The following TIFAB variants were observed in gnomAD, a reference collection of about 807,000 sequenced individuals.
TIFAB encodes TIFA inhibitor, also known as TRAF-interacting protein with FHA domain-containing protein B.
For missense variants in TIFAB, 222 were observed against 203.6 expected (o/e 1.09, Z -0.55); for synonymous variants, 116 against 95.2 (o/e 1.22, Z -1.27).
At position 135,444,244 on chromosome 5, in the gene TIFAB, A is replaced by C. The variant is rs1187040347; in HGVS notation, c.*5210T>G. ...CAAATGGTAGGTTTTATTTCACTTT[A>C]ATCCGCCTGTGAGTTCACGTTAAAG... On this transcript the variant is annotated 3_prime_UTR_variant, in exon 2 of 2. Transcript: ENST00000537858. 2 of 152,220 alleles carry C rather than the reference A, an allele frequency of 1.3e-5. No homozygotes were observed. Among genetic ancestry groups the C allele is most frequent in the Non-Finnish European group, 2.9e-5 (2 of 68,032 alleles). 9.4% of individuals were successfully genotyped at this position (152,220 alleles called of 1,614,324 possible). A position where few individuals can be genotyped will look rare whatever the true frequency, so the allele number is the denominator to read the frequency against.
chr5:135,450,933 G>A (rs533212830), intron 1 of TIFAB, among the ~76,000 whole-genome samples: 2 of 152,304 alleles, frequency 1.3e-5, no homozygotes, highest in South Asian at 4.1e-4. Flanking sequence ...CACAACAGGG[G>A]GAATCCCCCA....
At position 135,448,238 on chromosome 5, in the gene TIFAB, C is replaced by T. The variant is rs1031023458; in HGVS notation, c.*1216G>A. On this transcript the variant is annotated 3_prime_UTR_variant, in exon 2 of 2. Transcript: ENST00000537858. ...ACAGAAATTGTTGACAGCTACAGAC[C>T]CAGAGATTCGAGTCAGCCAGGGGAA... 3 of 152,222 alleles carry T rather than the reference C, an allele frequency of 2.0e-5. No individual in the cohort carries two copies. Among genetic ancestry groups the T allele is most frequent in the African/African-American group, 7.2e-5 (3 of 41,522 alleles). The allele number at this position is 152,222 out of a possible 1,614,324, so 9.4% of individuals were successfully genotyped here.
Position 135,445,261 on chromosome 5 carries a change from G to T in TIFAB, c.*4193C>A, listed in dbSNP as rs1769235379. 1 of 152,190 alleles carries T rather than the reference G, an allele frequency of 6.6e-6. No homozygotes were observed. The highest frequency in any genetic ancestry group is 2.4e-5 in the African/African-American group (1 of 41,396). 9.4% of individuals were successfully genotyped at this position (152,190 alleles called of 1,614,324 possible). A position where few individuals can be genotyped will look rare whatever the true frequency, so the allele number is the denominator to read the frequency against. On this transcript the variant is annotated 3_prime_UTR_variant, in exon 2 of 2. Transcript: ENST00000537858. The stretch of plus-strand genomic sequence containing the variant: ...CCACACAGAATCCCAAAACCCCAGG[G>T]TTCTGCTTGAGTTAGAGCTACAAAG...
At position 135,446,477 on chromosome 5, in the gene TIFAB, G is replaced by C. The variant is rs748098232; in HGVS notation, c.*2977C>G. The C allele has an allele frequency of 6.2e-7, 1 of 1,614,026 alleles. No individual in the cohort carries two copies. The highest frequency in any genetic ancestry group is 8.5e-7 in the Non-Finnish European group (1 of 1,179,894). ...GCTCTGGCTGTCTGAGCAGGTGAGGGATAGTGATATCAAGTGCGAAGACCA... is the reference window on the plus strand; with the variant it reads ...GCTCTGGCTGTCTGAGCAGGTGAGGCATAGTGATATCAAGTGCGAAGACCA... On this transcript the variant is annotated 3_prime_UTR_variant, in exon 2 of 2. Coordinates refer to ENST00000537858, the MANE Select transcript of TIFAB (RefSeq NM_001099221.2).
rs1420681977 is a variant in TIFAB, at chr5:135,446,108, A to C, written c.*3346T>G. On this transcript the variant is annotated 3_prime_UTR_variant, in exon 2 of 2. Transcript: ENST00000537858. Reference sequence around the variant, plus strand: ...TATGTCTGGGTGCCTTAAATTTGTGATGCCTCAAACTGACCTTCACAATGA... The same window carrying C: ...TATGTCTGGGTGCCTTAAATTTGTGCTGCCTCAAACTGACCTTCACAATGA... 3.0e-6 allele frequency: 1 copy of C among 332,016 alleles called. No individual in the cohort carries two copies. The highest frequency in any genetic ancestry group is 2.1e-5 in the African/African-American group (1 of 47,516). The allele number at this position is 332,016 out of a possible 1,614,324, so 20.6% of individuals were successfully genotyped here.
rs531198567 is a variant in TIFAB, at chr5:135,446,471, G to A, written c.*2983C>T. 8.4e-5 allele frequency: 136 copies of A among 1,614,044 alleles called. 1 individual carries two copies. In the South Asian group the frequency reaches 1.1e-3, roughly 13 times the overall value. ...CCGCCTGCTCTGGCTGTCTGAGCAG[G>A]TGAGGGATAGTGATATCAAGTGCGA... On this transcript the variant is annotated 3_prime_UTR_variant, in exon 2 of 2. Transcript: ENST00000537858.
Position 135,449,597 on chromosome 5 carries a change from G to A in TIFAB, c.343C>T (p.Arg115Cys), listed in dbSNP as rs778048077. The change falls in exon 2 of 2, where the codon CGC becomes TGC. Residue 115 changes from arginine to cysteine, a missense_variant. Coordinates refer to ENST00000537858, the MANE Select transcript of TIFAB (RefSeq NM_001099221.2). ...VSFSGIQMLVRVEEGTSLEAF... is the reference protein window; with the variant it reads ...VSFSGIQMLVCVEEGTSLEAF... ...TCCAGGGATGTGCCTTCTTCTACGC[G>A]AACCAGCATCTGGATGCCTGAGAAG... 14 of 1,614,078 alleles carry A rather than the reference G, an allele frequency of 8.7e-6. No homozygotes were observed. Among genetic ancestry groups the A allele is most frequent in the South Asian group, 4.4e-5 (4 of 91,088 alleles).
chr5:135,451,207 CAGAG>C (rs1369700116), intron 1 of TIFAB, among the ~76,000 whole-genome samples: 5 of 152,220 alleles, frequency 3.3e-5, no homozygotes, highest in African/African-American at 1.2e-4. Flanking sequence ...TGAAATCACC[CAGAG>C]AGACCACAAA....
rs142420849 is a variant in TIFAB, at chr5:135,446,562, G to T, written c.*2892C>A. On this transcript the variant is annotated 3_prime_UTR_variant, in exon 2 of 2. Transcript: ENST00000537858. ...GGAGAAAGTGAAGGTGGGTGCCATG[G>T]ATCTGATGATTTCAGTGATTTTCTA... 2.5e-6 allele frequency: 4 copies of T among 1,613,864 alleles called. No homozygotes were observed. The highest frequency in any genetic ancestry group is 1.3e-5 in the African/African-American group (1 of 74,922).
rs933744023 is a variant in TIFAB, at chr5:135,444,537, C to G, written c.*4917G>C. 2 of 152,438 alleles carry G rather than the reference C, an allele frequency of 1.3e-5. No individual in the cohort carries two copies. Among genetic ancestry groups the G allele is most frequent in the African/African-American group, 4.8e-5 (2 of 41,474 alleles). The allele number at this position is 152,438 out of a possible 1,614,324, so 9.4% of individuals were successfully genotyped here. A position where few individuals can be genotyped will look rare whatever the true frequency, so the allele number is the denominator to read the frequency against. Reference sequence around the variant, plus strand: ...CTGAGGAAGAGAAAACAGAGCAGAGCTGGAGAAGTTCGTACAGTAGATACA... The same window carrying G: ...CTGAGGAAGAGAAAACAGAGCAGAGGTGGAGAAGTTCGTACAGTAGATACA... On this transcript the variant is annotated 3_prime_UTR_variant, in exon 2 of 2. Coordinates refer to ENST00000537858, the MANE Select transcript of TIFAB (RefSeq NM_001099221.2).
rs768729896 is a variant in TIFAB, at chr5:135,449,875, A to G, written c.65T>C (p.Phe22Ser). Reference protein sequence around the residue: ...LYHPTLGPSAFANVPPRLQHD... With the variant: ...LYHPTLGPSASANVPPRLQHD... Reference sequence around the variant, plus strand: ...CTGCAGCCGTGGTGGGACATTGGCAAAGGCAGATGGGCCCAGCGTGGGATG... The same window carrying G: ...CTGCAGCCGTGGTGGGACATTGGCAGAGGCAGATGGGCCCAGCGTGGGATG... The change falls in exon 2 of 2, where the codon TTT (phenylalanine) becomes TCT (serine). Residue 22 changes from phenylalanine to serine, a missense_variant. Physicochemically the swap from Phe to Ser is radical, Grantham distance 155. Transcript: ENST00000537858. 3.8e-6 allele frequency: 6 copies of G among 1,576,980 alleles called. No homozygotes were observed. The highest frequency in any genetic ancestry group is 1.3e-5 in the African/African-American group (1 of 74,142).
rs1243156657 is a variant in TIFAB at position 135,448,802 on chromosome 5, C to G, written c.*652G>C. On this transcript the variant is annotated 3_prime_UTR_variant, in exon 2 of 2. Transcript: ENST00000537858. Reference sequence around the variant, plus strand: ...TCGTCTATATTTCCCACCCCCACGTCTGCATGACAGCGTGGCGTGCATGTG... The same window carrying G: ...TCGTCTATATTTCCCACCCCCACGTGTGCATGACAGCGTGGCGTGCATGTG... The G allele has an allele frequency of 1.3e-5, 2 of 152,874 alleles. No individual in the cohort carries two copies. Among genetic ancestry groups the G allele is most frequent in the Admixed American group, 1.3e-4 (2 of 15,382 alleles). The allele number at this position is 152,874 out of a possible 1,614,324, so 9.5% of individuals were successfully genotyped here.
At position 135,446,469 on chromosome 5, in the gene TIFAB, A is replaced by T. The variant is rs1251198018; in HGVS notation, c.*2985T>A. ...ACCCGCCTGCTCTGGCTGTCTGAGCAGGTGAGGGATAGTGATATCAAGTGC... is the reference window on the plus strand; with the variant it reads ...ACCCGCCTGCTCTGGCTGTCTGAGCTGGTGAGGGATAGTGATATCAAGTGC... On this transcript the variant is annotated 3_prime_UTR_variant, in exon 2 of 2. Coordinates refer to ENST00000537858, the MANE Select transcript of TIFAB (RefSeq NM_001099221.2). 6.2e-7 allele frequency: 1 copy of T among 1,613,964 alleles called. No individual in the cohort carries two copies. The highest frequency in any genetic ancestry group is 1.1e-5 in the South Asian group (1 of 91,078).
chr5:135,446,122 C>T lies in TIFAB; in HGVS notation c.*3332G>A. 2.7e-6 allele frequency: 1 copy of T among 376,730 alleles called. No homozygotes were observed. The allele number at this position is 376,730 out of a possible 1,614,324, so 23.3% of individuals were successfully genotyped here. ...TTAAATTTGTGATGCCTCAAACTGA[C>T]CTTCACAATGACTCTAAGGAGGTAA... On this transcript the variant is annotated 3_prime_UTR_variant, in exon 2 of 2. Coordinates refer to ENST00000537858, the MANE Select transcript of TIFAB (RefSeq NM_001099221.2).
In TIFAB at chr5:135,448,056, T is replaced by G. The variant is rs1769302068; in HGVS notation, c.*1398A>C. The G allele has an allele frequency of 6.6e-6, 1 of 152,184 alleles. No homozygotes were observed. Among genetic ancestry groups the G allele is most frequent in the African/African-American group, 2.4e-5 (1 of 41,436 alleles). The allele number at this position is 152,184 out of a possible 1,614,324, so 9.4% of individuals were successfully genotyped here. ...TGGCTGTGATCTGAGTGTTTTTGCT[T>G]CATCCCTATTGGAGAGGAAGCTTCC... On this transcript the variant is annotated 3_prime_UTR_variant, in exon 2 of 2. Coordinates refer to ENST00000537858, the MANE Select transcript of TIFAB (RefSeq NM_001099221.2).
chr5:135,446,955 C>A lies in TIFAB; in HGVS notation c.*2499G>T, dbSNP rs755219115. ...AGAGGGGCACTCAGGGGCAGCAGCT[C>A]ATTCCCAAAGTTCTCTGGTGGAGCT... On this transcript the variant is annotated 3_prime_UTR_variant, in exon 2 of 2. Transcript: ENST00000537858. The A allele has an allele frequency of 6.2e-7, 1 of 1,612,844 alleles. No individual in the cohort carries two copies. Among genetic ancestry groups the A allele is most frequent in the African/African-American group, 1.3e-5 (1 of 75,026 alleles).
chr5:135,447,340 T>C lies in TIFAB; in HGVS notation c.*2114A>G. The stretch of plus-strand genomic sequence containing the variant: ...GAATCACAGAGCACAGGTAAGCCCT[T>C]GGGTTCTGGAGCCAGCTTACTGGGG... On this transcript the variant is annotated 3_prime_UTR_variant, in exon 2 of 2. Transcript: ENST00000537858. 3.4e-6 allele frequency: 2 copies of C among 593,266 alleles called. No homozygotes were observed. The highest frequency in any genetic ancestry group is 6.0e-5 in the East Asian group (2 of 33,298). 36.8% of individuals were successfully genotyped at this position (593,266 alleles called of 1,614,324 possible). A position where few individuals can be genotyped will look rare whatever the true frequency, so the allele number is the denominator to read the frequency against.
chr5:135,449,899 T>C lies in TIFAB; in HGVS notation c.41A>G (p.His14Arg). Reference protein sequence around the residue: ...PLTVLRVSLYHPTLGPSAFAN... With the variant: ...PLTVLRVSLYRPTLGPSAFAN... ...AAAGGCAGATGGGCCCAGCGTGGGA[T>C]GGTACAGGCTCACTCGCAGGACGGT... Residue 14 changes from histidine (H) to arginine (R), a missense_variant, in exon 2 of 2, where the codon CAT becomes CGT. By Grantham distance (29) the His-to-Arg change is conservative. Coordinates refer to ENST00000537858, the MANE Select transcript of TIFAB (RefSeq NM_001099221.2). 6.5e-7 allele frequency: 1 copy of C among 1,544,570 alleles called. No homozygotes were observed. The highest frequency in any genetic ancestry group is 1.2e-5 in the South Asian group (1 of 80,146).
rs771820003 is a variant in TIFAB at position 135,449,507 on chromosome 5, T to C, written c.433A>G (p.Thr145Ala). 3.1e-6 allele frequency: 5 copies of C among 1,614,184 alleles called. No individual in the cohort carries two copies. Among genetic ancestry groups the C allele is most frequent in the South Asian group, 2.2e-5 (2 of 91,084 alleles). ...PLIYRPEAEE[T>A]DEWEGISQGQ... ...TGGGAGATGCCTTCCCATTCGTCAG[T>C]TTCCTCAGCCTCAGGTCTGTAAATC... Residue 145 changes from threonine to alanine, a missense_variant, in exon 2 of 2, where the codon ACT (threonine) becomes GCT (alanine). Thr to Ala is a moderately conservative substitution (Grantham distance 58). Transcript: ENST00000537858.
Sources: gnomAD v4.1 joint callset for allele counts (sites outside exome capture counted in the v4.1 genomes callset) on GRCh38, gnomAD v4.1.1 for gene constraint, MANE v1.5 for transcripts, NCBI Gene and HGNC (gene_info 2026-07-23, HGNC 2026-07-21) for gene names.